Variants in CNTNAP5 observed in about 807,000 individuals in gnomAD.
The protein encoded by CNTNAP5 is contactin associated protein family member 5.
A neutral mutation model predicts 150.2 loss-of-function variants in CNTNAP5; 72 were observed. The observed-to-expected ratio is 0.48, with a 90% confidence interval of 0.40 to 0.58. The LOEUF (loss-of-function observed/expected upper bound fraction) is 0.58. Among genes scored for constraint, CNTNAP5 ranks in the 20% least tolerant of loss-of-function variants. The probability of loss-of-function intolerance (pLI) is 0.00; values close to 1 mark genes in which losing one functional copy is unlikely to be tolerated. For missense variants in CNTNAP5, 1,636 were observed against 1,626.2 expected (o/e 1.01, Z -0.10); for synonymous variants, 672 against 619.8 (o/e 1.08, Z -1.25).
At chr2:124,431,704 TAATA>T (rs369673613) in intron 4 of CNTNAP5, among the ~76,000 whole-genome samples, 3,457 of 147,028 alleles carry the variant, frequency 0.024, 70 homozygotes, top group African/African-American at 0.042. Flanking sequence ...AAATAAAATT[TAATA>T]AATAAATATT....
chr2:124,634,618 C>T (rs1677934211), intron 12 of CNTNAP5, among the ~76,000 whole-genome samples: 1 of 152,104 alleles, frequency 6.6e-6, no homozygotes, highest in African/African-American at 2.4e-5. Flanking sequence ...AGTGATTCTT[C>T]TGCCTCAGCC....
At chr2:124,103,449 C>T (rs1322072664) in intron 1 of CNTNAP5, among the ~76,000 whole-genome samples, 2 of 151,946 alleles carry the variant, frequency 1.3e-5, no homozygotes, top group African/African-American at 2.4e-5. Context: ...ACTGAGTCAC[C>T]GAGAGCAACT....
chr2:124,904,069 A>AAAG (rs1678477566), intron 22 of CNTNAP5, among the ~76,000 whole-genome samples: 1 of 150,360 alleles, frequency 6.7e-6, no homozygotes, highest in Non-Finnish European at 1.5e-5. Flanking sequence ...AAAAAACAAA[A>AAAG]AAAAAAAAAC....
intron 8 of CNTNAP5, among the ~76,000 whole-genome samples, chr2:124,508,549 C>T (rs964989727): frequency 2.0e-5 from 3 of 152,114 alleles, no homozygotes; most frequent in South Asian, 2.1e-4. Flanking sequence ...GTTAAGCGCA[C>T]GTCAGTCCAT....
At chr2:124,650,785 ATAGAG>A (rs1678304874) in intron 13 of CNTNAP5, among the ~76,000 whole-genome samples, 1 of 152,176 alleles carries the variant, frequency 6.6e-6, no homozygotes, top group South Asian at 2.1e-4. Context: ...TTCATTAACT[ATAGAG>A]TATTTTATTA....
chr2:124,126,392 G>C (rs894407067), intron 1 of CNTNAP5, among the ~76,000 whole-genome samples: 1 of 148,962 alleles, frequency 6.7e-6, no homozygotes, highest in Non-Finnish European at 1.5e-5. Context: ...CCAATAATGG[G>C]CTCTGAAATT....
At chr2:124,537,157 G>A (rs1695254991) in intron 10 of CNTNAP5, among the ~76,000 whole-genome samples, 1 of 152,082 alleles carries the variant, frequency 6.6e-6, no homozygotes, top group Admixed American at 6.6e-5. Context: ...GAGGTACTAA[G>A]TAATTTGCCC....
At chr2:124,216,600 T>C (rs1353900094) in intron 1 of CNTNAP5, among the ~76,000 whole-genome samples, 2 of 152,144 alleles carry the variant, frequency 1.3e-5, no homozygotes, top group African/African-American at 2.4e-5. Context: ...CCATGTGTTC[T>C]CATTGTTCAA....
chr2:124,918,533 A>G lies in CNTNAP5; in HGVS notation c.*4245A>G, dbSNP rs1468030613. Among the ~76,000 whole-genome samples, 1 of 152,116 alleles carries G rather than the reference A, an allele frequency of 6.6e-6. No individual in the cohort carries two copies. Among genetic ancestry groups the G allele is most frequent in the Non-Finnish European group, 1.5e-5 (1 of 68,000 alleles). ...GGGTGCAAGCACAGCCAACTTATCC[A>G]GTCCAAGATATCCAGGGAGATGAGG... On this transcript the variant is annotated 3_prime_UTR_variant, in exon 24 of 24. Transcript: ENST00000682447.
chr2:124,650,745 T>C (rs1311969534), intron 13 of CNTNAP5, among the ~76,000 whole-genome samples: 5 of 152,234 alleles, frequency 3.3e-5, no homozygotes, highest in African/African-American at 1.2e-4. Flanking sequence ...TACCTTTCTT[T>C]ATCAATAAAT....
intron 3 of CNTNAP5, among the ~76,000 whole-genome samples, chr2:124,321,217 G>A (rs1041433866): frequency 9.9e-5 from 15 of 152,202 alleles, no homozygotes; most frequent in Non-Finnish European, 1.6e-4. Flanking sequence ...CGAGGCAGGC[G>A]GATCGCCTGA....
intron 1 of CNTNAP5, among the ~76,000 whole-genome samples, chr2:124,113,445 C>T (rs1039469077): frequency 2.0e-5 from 3 of 151,648 alleles, no homozygotes; most frequent in South Asian, 2.1e-4. Context: ...TCAAGTCTTT[C>T]GCCCACTTTT....
At chr2:124,711,073 C>A (rs930887326) in intron 13 of CNTNAP5, among the ~76,000 whole-genome samples, 1 of 151,966 alleles carries the variant, frequency 6.6e-6, no homozygotes, top group Non-Finnish European at 1.5e-5. Context: ...GAGTTGAAGA[C>A]CAGCCTGGCC....
At chr2:124,453,663 T>TATCA (rs1222714678) in intron 6 of CNTNAP5, among the ~76,000 whole-genome samples, 1 of 152,194 alleles carries the variant, frequency 6.6e-6, no homozygotes, top group Non-Finnish European at 1.5e-5. Context: ...AAGGAAAACC[T>TATCA]ATCAGATTAA....
chr2:124,713,476 C>T (rs1431950671), intron 13 of CNTNAP5, among the ~76,000 whole-genome samples: 1 of 151,132 alleles, frequency 6.6e-6, no homozygotes, highest in Non-Finnish European at 1.5e-5. Context: ...CTCTCCGGTT[C>T]AAGTGATTCT....
chr2:124,878,291 T>C (rs1677900812), intron 21 of CNTNAP5, among the ~76,000 whole-genome samples: 2 of 152,114 alleles, frequency 1.3e-5, no homozygotes, highest in South Asian at 4.1e-4. Context: ...CTGACTAATG[T>C]GACCTGGACA....
intron 13 of CNTNAP5, among the ~76,000 whole-genome samples, chr2:124,708,472 G>A (rs185444582): frequency 6.6e-6 from 1 of 152,256 alleles, no homozygotes; most frequent in Admixed American, 6.5e-5. Context: ...TCTATTGGCG[G>A]GCGGACATGG....
At chr2:124,482,851 T>G (rs1223936142) in intron 7 of CNTNAP5, among the ~76,000 whole-genome samples, 1 of 152,192 alleles carries the variant, frequency 6.6e-6, no homozygotes, top group African/African-American at 2.4e-5. Context: ...AACTCAGCCC[T>G]TTGTTTCCAG....
chr2:124,085,484 G>C (rs1023137543), intron 1 of CNTNAP5, among the ~76,000 whole-genome samples: 15 of 151,684 alleles, frequency 9.9e-5, no homozygotes, highest in Non-Finnish European at 8.8e-5. Flanking sequence ...CAAAGAAGTA[G>C]CTCTTTACTT....
Sources: allele counts gnomAD v4.1 joint callset (sites outside exome capture counted in the v4.1 genomes callset), GRCh38; gene constraint gnomAD v4.1.1; transcripts MANE v1.5; gene names NCBI Gene and HGNC (gene_info 2026-07-23, HGNC 2026-07-21).